AGBL4: variants seen among roughly 807,000 people sequenced by gnomAD.
AGBL4 encodes the protein AGBL carboxypeptidase 4.
A neutral mutation model predicts 66.4 loss-of-function variants in AGBL4; 58 were observed. That is an observed-to-expected ratio of 0.87 (90% CI 0.71 to 1.09). The LOEUF (loss-of-function observed/expected upper bound fraction) is 1.09. Ranked by LOEUF, AGBL4 falls within the 50% of genes least tolerant of loss-of-function variation. The pLI, the probability that AGBL4 is intolerant of heterozygous loss-of-function variation, is 0.00. For missense variants in AGBL4, 579 were observed against 631.0 expected (o/e 0.92, Z 0.88); for synonymous variants, 234 against 222.9 (o/e 1.05, Z -0.44).
intron 1 of AGBL4, among the ~76,000 whole-genome samples, chr1:50,016,262 A>G (rs886977324): frequency 3.3e-5 from 5 of 152,150 alleles, no homozygotes; most frequent in Admixed American, 2.0e-4. Context: ...ATCTATAAGG[A>G]ACTTAAACAA....
chr1:49,824,401 C>A (rs1372415933), intron 2 of AGBL4, among the ~76,000 whole-genome samples: 1 of 152,142 alleles, frequency 6.6e-6, no homozygotes. Flanking sequence ...TGTTTACTAA[C>A]AATGCTAAGC....
intron 2 of AGBL4, among the ~76,000 whole-genome samples, chr1:49,780,097 C>T (rs961703592): frequency 1.3e-5 from 2 of 152,030 alleles, no homozygotes; most frequent in Non-Finnish European, 2.9e-5. Flanking sequence ...GAAGAACTTA[C>T]TTACAAGGAA....
chr1:49,961,756 T>C (rs1657139330), intron 1 of AGBL4, among the ~76,000 whole-genome samples: 1 of 152,096 alleles, frequency 6.6e-6, no homozygotes, highest in Admixed American at 6.6e-5. Context: ...AATCAGTAAC[T>C]AGAATATATG....
chr1:49,168,826 C>T (rs1400294349), intron 4 of AGBL4, among the ~76,000 whole-genome samples: 1 of 152,138 alleles, frequency 6.6e-6, no homozygotes, highest in African/African-American at 2.4e-5. Context: ...GGTTGCATAC[C>T]ATCCATCTCC....
chr1:49,527,996 A>T (rs1307835568), intron 3 of AGBL4, among the ~76,000 whole-genome samples: 1 of 152,088 alleles, frequency 6.6e-6, no homozygotes, highest in Non-Finnish European at 1.5e-5. Context: ...TAGACAAATT[A>T]GATTTTTTTT....
intron 3 of AGBL4, among the ~76,000 whole-genome samples, chr1:49,504,664 A>ACT (rs1174536121): frequency 6.6e-6 from 1 of 151,094 alleles, no homozygotes; most frequent in Non-Finnish European, 1.5e-5. Flanking sequence ...AGCTACCCTT[A>ACT]CTCTCTTTTG....
At chr1:49,051,056 G>T (rs2147888348) in intron 4 of AGBL4, among the ~76,000 whole-genome samples, 1 of 152,100 alleles carries the variant, frequency 6.6e-6, no homozygotes, top group South Asian at 2.1e-4. Context: ...GCATTCTCTG[G>T]TCCTCCTCAG....
intron 5 of AGBL4, among the ~76,000 whole-genome samples, chr1:48,990,235 A>AT (rs975758406): frequency 2.0e-5 from 3 of 151,470 alleles, no homozygotes; most frequent in South Asian, 2.1e-4. Flanking sequence ...GATTATTTAG[A>AT]TTTTTTTTTC....
intron 3 of AGBL4, among the ~76,000 whole-genome samples, chr1:49,491,824 T>C (rs1334183240): frequency 6.6e-6 from 1 of 151,922 alleles, no homozygotes; most frequent in Non-Finnish European, 1.5e-5. Flanking sequence ...TCTCCTCTTA[T>C]CTTCAGGGAA....
intron 2 of AGBL4, among the ~76,000 whole-genome samples, chr1:49,740,858 C>A (rs543743165): frequency 1.1e-4 from 17 of 152,232 alleles, no homozygotes; most frequent in African/African-American, 4.8e-5. Flanking sequence ...CCAATGAGAA[C>A]AAACACACAA....
intron 10 of AGBL4, among the ~76,000 whole-genome samples, chr1:48,589,541 G>A (rs371473004): frequency 5.0e-4 from 76 of 152,236 alleles, no homozygotes; most frequent in African/African-American, 1.7e-3. Context: ...ACCACATACT[G>A]ATCCCCTCCT....
chr1:49,216,184 C>T (rs545393232), intron 4 of AGBL4, among the ~76,000 whole-genome samples: 1 of 152,234 alleles, frequency 6.6e-6, no homozygotes, highest in Non-Finnish European at 1.5e-5. Context: ...AGGGTTTGAA[C>T]TTAAGTCTCT....
intron 2 of AGBL4, among the ~76,000 whole-genome samples, chr1:49,754,329 G>T (rs1651719593): frequency 6.7e-5 from 10 of 150,028 alleles, no homozygotes. Flanking sequence ...TAAGTTTTAG[G>T]GTACATGTGC....
At chr1:49,349,233 G>A (rs1645700098) in intron 3 of AGBL4, among the ~76,000 whole-genome samples, 1 of 152,110 alleles carries the variant, frequency 6.6e-6, no homozygotes, top group East Asian at 1.9e-4. Context: ...GAACTATGGG[G>A]CATAGAAGTA....
At chr1:48,672,125 T>C (rs961321094) in intron 6 of AGBL4, among the ~76,000 whole-genome samples, 1 of 152,244 alleles carries the variant, frequency 6.6e-6, no homozygotes, top group Non-Finnish European at 1.5e-5. Flanking sequence ...TTAAAGCAGC[T>C]AAACAGTTGG....
At chr1:48,714,881 C>T (rs1247122012) in intron 6 of AGBL4, among the ~76,000 whole-genome samples, 2 of 152,210 alleles carry the variant, frequency 1.3e-5, no homozygotes, top group East Asian at 1.9e-4. Flanking sequence ...GCTCATTCAT[C>T]GATTCAACTT....
chr1:49,031,501 T>C (rs1191538432), intron 5 of AGBL4, among the ~76,000 whole-genome samples: 2 of 152,046 alleles, frequency 1.3e-5, no homozygotes, highest in Non-Finnish European at 2.9e-5. Flanking sequence ...AAACCATATA[T>C]CTGAAAAGGG....
At chr1:49,551,460 T>C in intron 3 of AGBL4, among the ~76,000 whole-genome samples, 1 of 152,210 alleles carries the variant, frequency 6.6e-6, no homozygotes, top group Non-Finnish European at 1.5e-5. Flanking sequence ...TGAAGGTTAC[T>C]GTTCAGATTC....
chr1:49,917,504 T>A (rs1249513375), intron 1 of AGBL4, among the ~76,000 whole-genome samples: 1 of 151,904 alleles, frequency 6.6e-6, no homozygotes, highest in East Asian at 1.9e-4. Flanking sequence ...TACATAATGG[T>A]AAAGGGATCA....
Sources: gnomAD v4.1 joint callset for allele counts (sites outside exome capture counted in the v4.1 genomes callset) on GRCh38, gnomAD v4.1.1 for gene constraint, MANE v1.5 for transcripts, NCBI Gene and HGNC (gene_info 2026-07-23, HGNC 2026-07-21) for gene names.